The following PTPRQ variants were observed in gnomAD, a reference collection of about 807,000 sequenced individuals.
PTPRQ encodes protein tyrosine phosphatase receptor type Q.
A neutral mutation model predicts 246.0 loss-of-function variants in PTPRQ; 199 were observed. That is an observed-to-expected ratio of 0.81 (90% CI 0.72 to 0.91). The LOEUF is 0.91. Ranked by LOEUF, PTPRQ falls within the 40% of genes least tolerant of loss-of-function variation. PTPRQ has a pLI of 0.00. For missense variants in PTPRQ, 2,624 were observed against 2,528.4 expected (o/e 1.04, Z -0.81); for synonymous variants, 869 against 853.2 (o/e 1.02, Z -0.32).
rs1386214909 is a variant in PTPRQ, at chr12:80,482,593, A to C, written c.1187-1840A>C. ...TACCATCAGAGCGAACAGGCAACCT[A>C]CAAAATGGGAGAAAATTGTCACAAC... On this transcript the variant is annotated intron_variant, in intron 8 of 44. Coordinates refer to ENST00000644991, the MANE Select transcript of PTPRQ (RefSeq NM_001145026.2). 8.0e-5 allele frequency among the ~76,000 whole-genome samples: 12 copies of C among 150,522 alleles called. No individual in the cohort carries two copies. The South Asian group carries it at 2.1e-3, about 26-fold the overall frequency.
chr12:80,543,415 T>C (rs1896213485), intron 23 of PTPRQ, among the ~76,000 whole-genome samples: 2 of 152,044 alleles, frequency 1.3e-5, no homozygotes, highest in Admixed American at 1.3e-4. Flanking sequence ...AATTCAGAAT[T>C]AGTGAAAAAT....
intron 35 of PTPRQ, among the ~76,000 whole-genome samples, chr12:80,643,244 C>T (rs974413153): frequency 1.4e-4 from 22 of 152,034 alleles, no homozygotes; most frequent in South Asian, 4.1e-4. Flanking sequence ...TCGAGACCAG[C>T]CTGGCCAACA....
chr12:80,630,006 A>G (rs542270336), intron 33 of PTPRQ, among the ~76,000 whole-genome samples: 11 of 152,330 alleles, frequency 7.2e-5, no homozygotes, highest in Non-Finnish European at 1.3e-4. Context: ...TTCCACTCCT[A>G]AATACTTTAG....
At chr12:80,615,716 G>T (rs1267810078) in intron 29 of PTPRQ, among the ~76,000 whole-genome samples, 1 of 150,966 alleles carries the variant, frequency 6.6e-6, no homozygotes, top group Non-Finnish European at 1.5e-5. Context: ...TTTCATCTTA[G>T]AGAGGGAAAA....
intron 4 of PTPRQ, among the ~76,000 whole-genome samples, chr12:80,458,719 A>T (rs1257985656): frequency 6.6e-6 from 1 of 152,062 alleles, no homozygotes; most frequent in African/African-American, 2.4e-5. Context: ...AAGCCAACTC[A>T]AATAGAACTC....
At chr12:80,516,806 A>T (rs1203298130) in intron 17 of PTPRQ, among the ~76,000 whole-genome samples, 1 of 152,186 alleles carries the variant, frequency 6.6e-6, no homozygotes, top group Non-Finnish European at 1.5e-5. Context: ...AGTTATATCC[A>T]TTTTGGAGTG....
chr12:80,478,114 A>G (rs1683636579), intron 8 of PTPRQ, among the ~76,000 whole-genome samples: 4 of 151,770 alleles, frequency 2.6e-5, no homozygotes, highest in South Asian at 2.1e-4. Flanking sequence ...TAACCTCTGC[A>G]GACTTAAATG....
intron 25 of PTPRQ, among the ~76,000 whole-genome samples, chr12:80,574,494 T>G (rs903103566): frequency 6.6e-6 from 1 of 152,186 alleles, no homozygotes; most frequent in African/African-American, 2.4e-5. Flanking sequence ...TGTTCTTGCT[T>G]TCTTTCTTGC....
At chr12:80,566,138 T>C (rs974949312) in intron 25 of PTPRQ, among the ~76,000 whole-genome samples, 1 of 152,188 alleles carries the variant, frequency 6.6e-6, no homozygotes, top group Non-Finnish European at 1.5e-5. Context: ...TTATTCCATA[T>C]GAATTGCAAT....
At chr12:80,604,985 G>C in intron 26 of PTPRQ, 74 bp from the exon 27 acceptor site, 2 of 1,342,192 alleles carry the variant, frequency 1.5e-6, no homozygotes, top group South Asian at 4.0e-5. Flanking sequence ...CATTTTTCAT[G>C]GTCTTTTCTA....
chr12:80,454,989 T>C (rs1892925642), intron 3 of PTPRQ, among the ~76,000 whole-genome samples: 2 of 152,248 alleles, frequency 1.3e-5, no homozygotes, highest in Admixed American at 6.5e-5. Context: ...CTGGCCAATA[T>C]GGCGAAATCC....
At chr12:80,495,949 C>G (rs1020762616) in intron 12 of PTPRQ, 50 bp from the exon 13 acceptor site, 1 of 1,523,600 alleles carries the variant, frequency 6.6e-7, no homozygotes, top group Non-Finnish European at 8.8e-7. Context: ...GCACCAATCC[C>G]AAGAGTATTA....
rs763779389 is a variant in PTPRQ at position 80,648,880 on chromosome 12, C to T, written c.5916-17C>T. The T allele has an allele frequency of 2.6e-6, 4 of 1,528,192 alleles. No individual in the cohort carries two copies. In the South Asian group the frequency reaches 5.1e-5, roughly 19 times the overall value. The allele number at this position is 1,528,192 out of a possible 1,614,324, so 94.7% of individuals were successfully genotyped here. The stretch of plus-strand genomic sequence containing the variant: ...CCACTCTGACTCACAATGCATTTAA[C>T]ACAATCTCTATTGCAGGTTACTTAG... On this transcript the variant is annotated splice_polypyrimidine_tract_variant and intron_variant, in intron 35 of 44. Coordinates refer to ENST00000644991, the MANE Select transcript of PTPRQ (RefSeq NM_001145026.2).
Position 80,541,580 on chromosome 12 carries a change from G to A in PTPRQ, c.3180G>A (p.Leu1060=). The A allele has an allele frequency of 6.5e-7, 1 of 1,533,778 alleles. No homozygotes were observed. Among genetic ancestry groups the A allele is most frequent in the Non-Finnish European group, 8.8e-7 (1 of 1,138,024 alleles). ...TACCTGAAGGGTTTGTTGGAAACCT[G>A]ACTTACGAATCCATTTCGTCAACTG... ...QDIPEGFVGN[L]TYESISSTAI... is the part of the protein sequence containing the mutation. Residue 1060 remains leucine, a synonymous_variant, in exon 21 of 45, where the codon CTG becomes CTA. Transcript: ENST00000644991.
chr12:80,660,494 C>A (rs1900592144), intron 39 of PTPRQ, among the ~76,000 whole-genome samples: 2 of 151,916 alleles, frequency 1.3e-5, no homozygotes, highest in African/African-American at 4.8e-5. Context: ...AATCTGCCAC[C>A]AACTGTACAA....
intron 25 of PTPRQ, among the ~76,000 whole-genome samples, chr12:80,564,186 CA>C (rs1896914547): frequency 6.6e-6 from 1 of 152,154 alleles, no homozygotes; most frequent in Non-Finnish European, 1.5e-5. Flanking sequence ...TGGTGCGCTG[CA>C]CCCACTATCT....
Position 80,628,185 on chromosome 12 carries a change from G to A in PTPRQ, c.5687-4007G>A, listed in dbSNP as rs79241763. Among the ~76,000 whole-genome samples the A allele has an allele frequency of 1.3e-4, 20 of 151,986 alleles. No homozygotes were observed. The East Asian group carries it at 2.5e-3, about 19-fold the overall frequency. The stretch of plus-strand genomic sequence containing the variant: ...CATGTGAAAATTCATAAATCAAACC[G>A]TTCGTATTTTAATGTATAAAAAAAT... On this transcript the variant is annotated intron_variant, in intron 33 of 44. Transcript: ENST00000644991.
chr12:80,540,065 A>G, intron 20 of PTPRQ, 121 bp downstream of exon 20: 1 of 860,206 alleles, frequency 1.2e-6, no homozygotes, highest in Non-Finnish European at 1.6e-6. Flanking sequence ...TCATTATAGG[A>G]GTTTGAAAAT....
intron 38 of PTPRQ, among the ~76,000 whole-genome samples, chr12:80,653,758 A>C (rs143474550): frequency 1.3e-5 from 2 of 152,338 alleles, no homozygotes; most frequent in Non-Finnish European, 2.9e-5. Context: ...GAAACAGACC[A>C]AATTCTGATA....
Sources: gnomAD v4.1 joint callset for allele counts (sites outside exome capture counted in the v4.1 genomes callset) on GRCh38, gnomAD v4.1.1 for gene constraint, MANE v1.5 for transcripts, NCBI Gene and HGNC (gene_info 2026-07-23, HGNC 2026-07-21) for gene names.